CDH13: variants seen among roughly 807,000 people sequenced by gnomAD.
CDH13 encodes the protein cadherin 13, also known as cadherin-13.
A neutral mutation model predicts 63.8 loss-of-function variants in CDH13; 24 were observed. The observed-to-expected ratio is 0.38, with a 90% CI of 0.27 to 0.53. The LOEUF (loss-of-function observed/expected upper bound fraction) is 0.53, where lower values mean the gene tolerates loss of function less well. CDH13 is among the 20% of genes least tolerant of loss of function. CDH13 has a pLI of 0.85. For synonymous variants in CDH13, 503 were observed against 355.3 expected (o/e 1.42, Z -4.67); for missense variants, 1,049 against 903.1 (o/e 1.16, Z -2.07).
chr16:83,393,747 A>G (rs1179724622), intron 6 of CDH13, among the ~76,000 whole-genome samples: 1 of 152,224 alleles, frequency 6.6e-6, no homozygotes, highest in Non-Finnish European at 1.5e-5. Context: ...CCCACAATGT[A>G]TGCATTTATT....
rs532737479 is a variant in CDH13, at chr16:82,717,463, C to CA, written c.45+90326_45+90327insA. Among the ~76,000 whole-genome samples, 51 of 151,102 alleles carry CA rather than the reference C, an allele frequency of 3.4e-4. No individual in the cohort carries two copies. The South Asian group carries it at 0.01, about 31-fold the overall frequency. ...AAAAAAAAAAAAAAAAAGAGCCCCC[C>CA]CACTCATCCACACTTACTCTCTTAC... On this transcript the variant is annotated intron_variant, in intron 1 of 13. Coordinates refer to ENST00000567109, the MANE Select transcript of CDH13 (RefSeq NM_001257.5).
chr16:82,671,787 G>A (rs1484307569), intron 1 of CDH13, among the ~76,000 whole-genome samples: 2 of 151,906 alleles, frequency 1.3e-5, no homozygotes, highest in Admixed American at 6.6e-5. Context: ...GTGTTCTTTG[G>A]GCTTCTTTTC....
intron 10 of CDH13, among the ~76,000 whole-genome samples, chr16:83,722,870 G>C (rs1598585314): frequency 6.6e-6 from 1 of 152,326 alleles, no homozygotes; most frequent in East Asian, 1.9e-4. Context: ...TTTATCAGCA[G>C]CCATGGATTG....
chr16:83,198,362 C>T (rs542264043), intron 4 of CDH13, among the ~76,000 whole-genome samples: 17 of 151,592 alleles, frequency 1.1e-4, no homozygotes, highest in African/African-American at 3.6e-4. Context: ...CAATCATGAC[C>T]AGCTCAAGAA....
At chr16:83,006,677 A>G (rs1267909211) in intron 2 of CDH13, among the ~76,000 whole-genome samples, 1 of 152,130 alleles carries the variant, frequency 6.6e-6, no homozygotes, top group East Asian at 1.9e-4. Context: ...TGTACCTCCA[A>G]CAGAGTTTGA....
rs117815120 is a variant in CDH13 at position 83,329,993 on chromosome 16, C to T, written c.637-14869C>T. On this transcript the variant is annotated intron_variant, in intron 5 of 13. Coordinates refer to ENST00000567109, the MANE Select transcript of CDH13 (RefSeq NM_001257.5). ...AATAGTGCTGCTATGGACATGAGTA[C>T]GCAAATATATCTTTTAAGACCCTGC... Among the ~76,000 whole-genome samples, 41 of 152,178 alleles carry T rather than the reference C, an allele frequency of 2.7e-4. 1 individual carries two copies. Among genetic ancestry groups the T allele is most frequent in the Admixed American group, 3.9e-4 (6 of 15,278 alleles).
At chr16:83,319,043 A>G (rs2090165730) in intron 5 of CDH13, among the ~76,000 whole-genome samples, 1 of 151,502 alleles carries the variant, frequency 6.6e-6, no homozygotes, top group Non-Finnish European at 1.5e-5. Context: ...ATATATACAT[A>G]GACACGCAGT....
intron 8 of CDH13, among the ~76,000 whole-genome samples, chr16:83,661,525 A>C (rs1035233743): frequency 8.5e-5 from 13 of 152,142 alleles, no homozygotes; most frequent in African/African-American, 1.2e-4. Context: ...ACACAGTTTA[A>C]GAACCACCGT....
At chr16:83,487,628 C>T (rs1298424585) in intron 7 of CDH13, among the ~76,000 whole-genome samples, 4 of 152,206 alleles carry the variant, frequency 2.6e-5, no homozygotes, top group Non-Finnish European at 5.9e-5. Context: ...ACCCATCCTT[C>T]ACTCTCCATC....
intron 4 of CDH13, among the ~76,000 whole-genome samples, chr16:83,132,398 C>A (rs1009790554): frequency 6.6e-6 from 1 of 151,490 alleles, no homozygotes; most frequent in African/African-American, 2.4e-5. Context: ...ACACTTTTCT[C>A]AGAAATTTAC....
chr16:82,992,951 C>G lies in CDH13; in HGVS notation c.158-39059C>G, dbSNP rs111626826. Reference sequence around the variant, plus strand: ...TAATGACCTTTAGCTGAGACCACCCCACGTGTCCATCTGCCTCAGGATACT... The same window carrying G: ...TAATGACCTTTAGCTGAGACCACCCGACGTGTCCATCTGCCTCAGGATACT... On this transcript the variant is annotated intron_variant, in intron 2 of 13. Coordinates refer to ENST00000567109, the MANE Select transcript of CDH13 (RefSeq NM_001257.5). 8.2e-3 allele frequency among the ~76,000 whole-genome samples: 1,248 copies of G among 152,220 alleles called. 10 individuals carry two copies. The highest frequency in any genetic ancestry group is 0.028 in the African/African-American group (1,175 of 41,526).
chr16:83,296,417 G>T (rs564623720), intron 5 of CDH13, among the ~76,000 whole-genome samples: 1 of 152,284 alleles, frequency 6.6e-6, no homozygotes, highest in South Asian at 2.1e-4. Flanking sequence ...GGAGTTCATG[G>T]TAGGGAAGAA....
At position 82,943,972 on chromosome 16, in the gene CDH13, T is replaced by C. The variant is rs528665313; in HGVS notation, c.157+85499T>C. ...AGGCAATGTTGTCCTTGGCATCTTATTCAGGTCTGGCTTCCACTGCAGTGA... is the reference window on the plus strand; with the variant it reads ...AGGCAATGTTGTCCTTGGCATCTTACTCAGGTCTGGCTTCCACTGCAGTGA... On this transcript the variant is annotated intron_variant, in intron 2 of 13. Coordinates refer to ENST00000567109, the MANE Select transcript of CDH13 (RefSeq NM_001257.5). Among the ~76,000 whole-genome samples, 10 of 152,326 alleles carry C rather than the reference T, an allele frequency of 6.6e-5. No individual in the cohort carries two copies. The South Asian group carries it at 1.2e-3, about 19-fold the overall frequency.
chr16:82,873,472 G>T (rs1183419185), intron 2 of CDH13, among the ~76,000 whole-genome samples: 1 of 152,136 alleles, frequency 6.6e-6, no homozygotes, highest in African/African-American at 2.4e-5. Context: ...TTGCCTCTGA[G>T]AACAGACTGG....
chr16:82,929,583 C>T (rs183592021), intron 2 of CDH13, among the ~76,000 whole-genome samples: 12 of 134,332 alleles, frequency 8.9e-5, no homozygotes, highest in South Asian at 5.0e-4. Context: ...ACTCGGGAGG[C>T]GGAGCTTGCA....
At chr16:83,462,357 A>G (rs900949698) in intron 6 of CDH13, among the ~76,000 whole-genome samples, 2 of 152,248 alleles carry the variant, frequency 1.3e-5, no homozygotes, top group African/African-American at 2.4e-5. Flanking sequence ...TTTCAGTTAT[A>G]TAGTCTCAAG....
intron 5 of CDH13, among the ~76,000 whole-genome samples, chr16:83,287,232 C>G (rs986567097): frequency 6.6e-6 from 1 of 152,162 alleles, no homozygotes; most frequent in Non-Finnish European, 1.5e-5. Context: ...CTGGCAGAAC[C>G]CAGACTGGGG....
At chr16:83,471,002 T>C (rs1187413033) in intron 6 of CDH13, among the ~76,000 whole-genome samples, 1 of 152,138 alleles carries the variant, frequency 6.6e-6, no homozygotes, top group Non-Finnish European at 1.5e-5. Flanking sequence ...CCTGACGCCT[T>C]CCTTGGTCTT....
intron 6 of CDH13, among the ~76,000 whole-genome samples, chr16:83,367,407 C>T (rs187090752): frequency 1.9e-4 from 29 of 152,156 alleles, no homozygotes; most frequent in African/African-American, 3.6e-4. Context: ...CCATGGACAT[C>T]GGGTTGTTAC....
Sources: allele counts gnomAD v4.1 joint callset (sites outside exome capture counted in the v4.1 genomes callset), GRCh38; gene constraint gnomAD v4.1.1; transcripts MANE v1.5; gene names NCBI Gene and HGNC (gene_info 2026-07-23, HGNC 2026-07-21).